Variants in TRAPPC11 observed in about 807,000 individuals in gnomAD.
The protein encoded by TRAPPC11 is trafficking protein particle complex subunit 11.
In TRAPPC11, 104 loss-of-function variants were observed where a neutral mutation model predicts 151.2. The ratio of observed to expected loss-of-function variants is 0.69; its 90% CI spans 0.59 to 0.81. The LOEUF (loss-of-function observed/expected upper bound fraction) is 0.81, where lower values mean the gene tolerates loss of function less well. Ranked by LOEUF, TRAPPC11 falls within the 30% of genes least tolerant of loss-of-function variation. TRAPPC11 has a pLI of 0.00. For synonymous variants in TRAPPC11, 456 were observed against 472.3 expected (o/e 0.97, Z 0.45); for missense variants, 1,230 against 1,349.6 (o/e 0.91, Z 1.39).
At chr4:183,673,843 C>T (rs1259288947) in intron 5 of TRAPPC11, among the ~76,000 whole-genome samples, 1 of 152,184 alleles carries the variant, frequency 6.6e-6, no homozygotes, top group Non-Finnish European at 1.5e-5. Context: ...AACTTCTTTT[C>T]ACCAAAGAAA....
chr4:183,665,929 C>CTTTTTTTTTTTTTTTTTTTTTT (rs11462767), intron 2 of TRAPPC11, among the ~76,000 whole-genome samples: 2 of 137,888 alleles, frequency 1.5e-5, no homozygotes, highest in Non-Finnish European at 3.1e-5. Flanking sequence ...AAATGGGCTA[C>CTTTTTTTTTTTTTTTTTTTTTT]TTTTTTTTTT....
intron 4 of TRAPPC11, 72 bp downstream of exon 4, chr4:183,667,202 T>C: frequency 7.7e-7 from 1 of 1,300,954 alleles, no homozygotes; most frequent in Non-Finnish European, 1.1e-6. Flanking sequence ...TAGGGGTTTT[T>C]TGGATGTTTA....
chr4:183,665,649 CA>C (rs1440880384), intron 2 of TRAPPC11, among the ~76,000 whole-genome samples: 3 of 152,216 alleles, frequency 2.0e-5, no homozygotes, highest in Non-Finnish European at 4.4e-5. Context: ...TGTGAGGTTT[CA>C]ACTGCATCCC....
At chr4:183,691,285 A>C (rs1292978177) in intron 18 of TRAPPC11, 31 bp from the exon 19 acceptor site, 1 of 1,435,366 alleles carries the variant, frequency 7.0e-7, no homozygotes, top group Non-Finnish European at 9.3e-7. Context: ...CAGACATCTG[A>C]CATTTGATGA....
intron 25 of TRAPPC11, among the ~76,000 whole-genome samples, chr4:183,700,033 C>T (rs1561059284): frequency 6.6e-6 from 1 of 152,212 alleles, no homozygotes; most frequent in East Asian, 1.9e-4. Context: ...ACCGTGGTCT[C>T]GATCTCCTGA....
At chr4:183,704,815 AAAAATAATAAT>A (rs1308818460) in intron 26 of TRAPPC11, among the ~76,000 whole-genome samples, 153 bp from the exon 27 acceptor site, 2 of 152,122 alleles carry the variant, frequency 1.3e-5, no homozygotes, top group African/African-American at 2.4e-5. Context: ...TCTGTCTCAA[AAAAATAATAAT>A]AAAATAATAA....
Position 183,692,969 on chromosome 4 carries a change from G to T in TRAPPC11, c.2059G>T (p.Val687Leu), listed in dbSNP as rs1736330057. The change falls in exon 20 of 30, where the codon GTG becomes TTG. Residue 687 changes from valine to leucine, a missense_variant. Val to Leu is a conservative substitution (Grantham distance 32). Transcript: ENST00000334690. ...DVGKKIEITS[V>L]DLALGNETGR... ...TTTTTTTTCTTTTTAGATTACTTCA[G>T]TGGATCTTGCTCTGGGCAATGAGAC... 3 of 1,604,226 alleles carry T rather than the reference G, an allele frequency of 1.9e-6. No homozygotes were observed. The highest frequency in any genetic ancestry group is 2.6e-6 in the Non-Finnish European group (3 of 1,175,352).
In TRAPPC11 at chr4:183,712,657, G is replaced by A; in HGVS notation, c.*13G>A. ...TGCTGCTGCATGATGTTCAAGACCGGCCCTTGGCTGTTGTTACAGAGATGT... is the reference window on the plus strand; with the variant it reads ...TGCTGCTGCATGATGTTCAAGACCGACCCTTGGCTGTTGTTACAGAGATGT... On this transcript the variant is annotated 3_prime_UTR_variant, in exon 30 of 30. Transcript: ENST00000334690. 2 of 1,613,982 alleles carry A rather than the reference G, an allele frequency of 1.2e-6. No homozygotes were observed. The highest frequency in any genetic ancestry group is 1.1e-5 in the South Asian group (1 of 91,064).
chr4:183,679,168 G>A (rs1400595935), intron 8 of TRAPPC11, among the ~76,000 whole-genome samples, 185 bp from the exon 9 acceptor site: 1 of 152,048 alleles, frequency 6.6e-6, no homozygotes, highest in Non-Finnish European at 1.5e-5. Flanking sequence ...TTTCTAAAAG[G>A]GATATATAAC....
intron 23 of TRAPPC11, among the ~76,000 whole-genome samples, chr4:183,694,945 C>CTTTTTTTT (rs34556587): frequency 8.3e-6 from 1 of 119,854 alleles, no homozygotes; most frequent in Non-Finnish European, 1.7e-5. Flanking sequence ...TATGGCTTTT[C>CTTTTTTTT]TTTTTTTTTT....
chr4:183,690,578 A>T (rs979843697), intron 18 of TRAPPC11, among the ~76,000 whole-genome samples: 1 of 152,212 alleles, frequency 6.6e-6, no homozygotes, highest in African/African-American at 2.4e-5. Flanking sequence ...GGACAACTGT[A>T]TGTGAGAGAT....
Position 183,666,338 on chromosome 4 carries a change from C to G in TRAPPC11, c.286C>G (p.Leu96Val). ...TAAGCATCTGAATCTGGTGCCAGCC[C>G]TGGTGGTTGTGTTCTATGAACTGGA... ...MNKHLNLVPA[L>V]VVVFYELDWD... Residue 96 changes from leucine (L) to valine (V), a missense_variant, in exon 3 of 30, where the codon CTG becomes GTG. Leu to Val is a conservative substitution (Grantham distance 32). Coordinates refer to ENST00000334690, the MANE Select transcript of TRAPPC11 (RefSeq NM_021942.6). The G allele has an allele frequency of 2.5e-6, 4 of 1,614,146 alleles. No individual in the cohort carries two copies. The highest frequency in any genetic ancestry group is 3.4e-6 in the Non-Finnish European group (4 of 1,180,006).
chr4:183,706,179 T>G (rs537300194), intron 27 of TRAPPC11: 2 of 152,264 alleles, frequency 1.3e-5, no homozygotes, highest in Non-Finnish European at 2.9e-5. Context: ...TTTTGCTTAT[T>G]CTAGTTTAGG....
In TRAPPC11 at chr4:183,679,418, C is replaced by T. The variant is rs62357990; in HGVS notation, c.897C>T (p.Ile299=). The part of the protein sequence containing the change: ...LDAIAQFRKH[I]DLCKKKIGSA... ...CAATTGCTCAGTTCCGAAAACACAT[C>T]GACTTGTGTAAGAAAAAGATTGGAA... Residue 299 remains isoleucine (I), a synonymous_variant, in exon 9 of 30, where the codon ATC becomes ATT. Transcript: ENST00000334690. The T allele has an allele frequency of 3.1e-6, 5 of 1,612,460 alleles. No homozygotes were observed. Among genetic ancestry groups the T allele is most frequent in the African/African-American group, 1.3e-5 (1 of 74,926 alleles).
At chr4:183,665,214 C>G (rs555621224) in intron 2 of TRAPPC11, among the ~76,000 whole-genome samples, 2 of 150,626 alleles carry the variant, frequency 1.3e-5, no homozygotes, top group Non-Finnish European at 2.9e-5. Flanking sequence ...CCTGCTTCAG[C>G]CTCCCGAGTG....
intron 19 of TRAPPC11, 113 bp downstream of exon 19, chr4:183,691,584 C>A: frequency 3.3e-6 from 2 of 602,536 alleles, no homozygotes; most frequent in Non-Finnish European, 4.9e-6. Flanking sequence ...GCTACTTGGA[C>A]TTCCTAAAGG....
chr4:183,675,373 GATGA>G (rs1735361951), intron 7 of TRAPPC11, 136 bp downstream of exon 7: 2 of 431,716 alleles, frequency 4.6e-6, no homozygotes, highest in East Asian at 7.5e-5. Context: ...TTAGTGTAGA[GATGA>G]ATGGAGTATA....
chr4:183,699,152 TC>T (rs1736683444), intron 25 of TRAPPC11, among the ~76,000 whole-genome samples: 1 of 152,120 alleles, frequency 6.6e-6, no homozygotes, highest in Admixed American at 6.5e-5. Context: ...CCCTTTGCTC[TC>T]TCCCAGGTTT....
chr4:183,710,378 C>G (rs556069563), intron 29 of TRAPPC11, among the ~76,000 whole-genome samples: 10 of 151,958 alleles, frequency 6.6e-5, no homozygotes, highest in African/African-American at 2.4e-4. Context: ...GCTCTGCCTC[C>G]TGGGTTCACG....
Sources: gnomAD v4.1 joint callset for allele counts (sites outside exome capture counted in the v4.1 genomes callset) on GRCh38, gnomAD v4.1.1 for gene constraint, MANE v1.5 for transcripts, NCBI Gene and HGNC (gene_info 2026-07-23, HGNC 2026-07-21) for gene names.